Variants in VPS13B observed in about 807,000 individuals in gnomAD.
VPS13B encodes vacuolar protein sorting 13 homolog B.
A neutral mutation model predicts 426.4 loss-of-function variants in VPS13B; 285 were observed. The ratio of observed to expected loss-of-function variants is 0.67; its 90% confidence interval spans 0.61 to 0.74. The LOEUF (loss-of-function observed/expected upper bound fraction) is 0.74. VPS13B is among the 30% of genes least tolerant of loss of function. The pLI is 0.00. For missense variants in VPS13B, 4,537 were observed against 4,782.6 expected, an observed-to-expected ratio of 0.95 and a Z score of 1.51; for synonymous variants, 1,676 against 1,676.4, an observed-to-expected ratio of 1.00 and a Z score of 0.01.
At chr8:99,243,568 A>G (rs1315668469) in intron 17 of VPS13B, among the ~76,000 whole-genome samples, 1 of 152,222 alleles carries the variant, frequency 6.6e-6, no homozygotes, top group Admixed American at 6.5e-5. Flanking sequence ...AAGGATAGAC[A>G]TAAGAAAGCT....
At chr8:99,822,287 T>C (rs1455699458) in intron 50 of VPS13B, among the ~76,000 whole-genome samples, 7 of 152,212 alleles carry the variant, frequency 4.6e-5, no homozygotes, top group African/African-American at 1.4e-4. Context: ...TTGAAAAGTC[T>C]TTTGAGAAAA....
chr8:99,482,985 A>G lies in VPS13B; in HGVS notation c.3870+1183A>G, dbSNP rs576210864. Among the ~76,000 whole-genome samples, 11 of 152,272 alleles carry G rather than the reference A, an allele frequency of 7.2e-5. No individual in the cohort carries two copies. In the East Asian group the frequency reaches 7.7e-4, roughly 11 times the overall value. On this transcript the variant is annotated intron_variant, in intron 25 of 61. Transcript: ENST00000357162. Reference sequence around the variant, plus strand: ...CAACTGTTCTATAGTAGATGGAGGTAGAAGTTAACGTTTTTTTGTTTCTGC... The same window carrying G: ...CAACTGTTCTATAGTAGATGGAGGTGGAAGTTAACGTTTTTTTGTTTCTGC...
chr8:99,606,575 G>A (rs933811044), intron 33 of VPS13B, among the ~76,000 whole-genome samples: 1 of 150,286 alleles, frequency 6.7e-6, no homozygotes, highest in Non-Finnish European at 1.5e-5. Context: ...CTTCAGGAGG[G>A]CCATAGGGGA....
At chr8:99,247,339 C>T (rs1449318643) in intron 17 of VPS13B, among the ~76,000 whole-genome samples, 1 of 152,152 alleles carries the variant, frequency 6.6e-6, no homozygotes, top group Non-Finnish European at 1.5e-5. Context: ...TAGATCTAAG[C>T]TACAAAACAG....
At chr8:99,058,027 T>A (rs1243886625) in intron 3 of VPS13B, among the ~76,000 whole-genome samples, 1 of 152,202 alleles carries the variant, frequency 6.6e-6, no homozygotes, top group Non-Finnish European at 1.5e-5. Flanking sequence ...AGACTGAAAT[T>A]TTTTGTAATC....
chr8:99,273,226 T>G lies in VPS13B; in HGVS notation c.2516-972T>G, dbSNP rs534411314. Among the ~76,000 whole-genome samples, 18 of 148,580 alleles carry G rather than the reference T, an allele frequency of 1.2e-4. No individual in the cohort carries two copies. In the South Asian group the frequency reaches 3.9e-3, roughly 32 times the overall value. Reference sequence around the variant, plus strand: ...TAGGCTGGAGTGCAGTGGTGCGACCTCTGCTCACTGCAACCTCTGCCTCCC... The same window carrying G: ...TAGGCTGGAGTGCAGTGGTGCGACCGCTGCTCACTGCAACCTCTGCCTCCC... On this transcript the variant is annotated intron_variant, in intron 17 of 61. Transcript: ENST00000357162.
At chr8:99,396,928 A>G (rs901146455) in intron 21 of VPS13B, among the ~76,000 whole-genome samples, 2 of 152,182 alleles carry the variant, frequency 1.3e-5, no homozygotes, top group African/African-American at 4.8e-5. Flanking sequence ...GAAAAAAAAA[A>G]TGATCCTTCA....
At chr8:99,328,443 G>C (rs866158494) in intron 19 of VPS13B, among the ~76,000 whole-genome samples, 21 of 152,268 alleles carry the variant, frequency 1.4e-4, no homozygotes, top group Non-Finnish European at 1.5e-4. Context: ...GCAGGAAGTT[G>C]AGCTGGGAAA....
At chr8:99,832,341 A>AGTTTTTTTTTTTTTTTTTTTTTTTTTTT in intron 51 of VPS13B, 28 bp from the exon 52 acceptor site, 1 of 1,192,552 alleles carries the variant, frequency 8.4e-7, no homozygotes, top group Non-Finnish European at 1.1e-6. Context: ...TGCTCTCTGC[A>AGTTTTTTTTTTTTTTTTTTTTTTTTTTT]TTTTTTTTTT....
intron 51 of VPS13B, among the ~76,000 whole-genome samples, chr8:99,826,228 T>C (rs1814674800): frequency 6.6e-6 from 1 of 152,240 alleles, no homozygotes; most frequent in African/African-American, 2.4e-5. Context: ...CATTTGTATG[T>C]GTCCTCTCCT....
chr8:99,308,890 G>A (rs1022432777), intron 19 of VPS13B, among the ~76,000 whole-genome samples: 2 of 152,024 alleles, frequency 1.3e-5, no homozygotes, highest in Non-Finnish European at 2.9e-5. Flanking sequence ...GTGTGAGATG[G>A]TATCTCATTG....
At chr8:99,562,945 A>G (rs1825008049) in intron 31 of VPS13B, among the ~76,000 whole-genome samples, 1 of 152,186 alleles carries the variant, frequency 6.6e-6, no homozygotes, top group African/African-American at 2.4e-5. Flanking sequence ...GCTTGAAGCC[A>G]GGAGTTTAAG....
At chr8:99,823,097 A>G (rs1409573249) in intron 50 of VPS13B, among the ~76,000 whole-genome samples, 1 of 152,172 alleles carries the variant, frequency 6.6e-6, no homozygotes, top group Non-Finnish European at 1.5e-5. Flanking sequence ...ATAACATGAT[A>G]AGGTAATGAA....
chr8:99,315,668 G>C (rs1809605040), intron 19 of VPS13B, among the ~76,000 whole-genome samples: 1 of 146,382 alleles, frequency 6.8e-6, no homozygotes, highest in Admixed American at 6.9e-5. Context: ...ACGGAGTCTT[G>C]CTCTGTTGCC....
At chr8:99,470,659 A>G (rs1028321992) in intron 24 of VPS13B, among the ~76,000 whole-genome samples, 2 of 151,994 alleles carry the variant, frequency 1.3e-5, no homozygotes, top group Non-Finnish European at 2.9e-5. Flanking sequence ...TGTAGAATAG[A>G]AAAGTCGAAT....
chr8:99,280,297 C>G (rs1390489698), intron 19 of VPS13B, among the ~76,000 whole-genome samples: 7 of 152,134 alleles, frequency 4.6e-5, no homozygotes, highest in Non-Finnish European at 7.4e-5. Flanking sequence ...TCCAAGGAAG[C>G]CTTCTGTGAC....
intron 25 of VPS13B, among the ~76,000 whole-genome samples, chr8:99,497,272 A>G (rs13264604): frequency 1.4e-5 from 2 of 144,098 alleles, no homozygotes; most frequent in South Asian, 2.1e-4. Flanking sequence ...ATATATGTAT[A>G]TATTTATATA....
intron 55 of VPS13B, among the ~76,000 whole-genome samples, chr8:99,851,951 G>A (rs1235107949): frequency 6.6e-6 from 1 of 151,648 alleles, no homozygotes; most frequent in Non-Finnish European, 1.5e-5. Flanking sequence ...GACTAGTTAG[G>A]AGAGGATTAC....
At chr8:99,759,631 C>T (rs1178268876) in intron 39 of VPS13B, among the ~76,000 whole-genome samples, 1 of 152,104 alleles carries the variant, frequency 6.6e-6, no homozygotes, top group Non-Finnish European at 1.5e-5. Flanking sequence ...TGGGATGGCT[C>T]ATTGGTACCT....
Sources: allele counts gnomAD v4.1 joint callset (sites outside exome capture counted in the v4.1 genomes callset), GRCh38; gene constraint gnomAD v4.1.1; transcripts MANE v1.5; gene names NCBI Gene and HGNC (gene_info 2026-07-23, HGNC 2026-07-21).